The following GMDS variants were observed in gnomAD, a reference collection of about 807,000 sequenced individuals.
GMDS encodes the protein GDP-mannose 4,6-dehydratase, also known as GDP-mannose 4,6 dehydratase.
Under a neutral mutation model 49.9 loss-of-function variants are expected in GMDS, and 20 were observed. The observed-to-expected ratio is 0.40, with a 90% CI of 0.28 to 0.58. GMDS has a LOEUF of 0.58. Among genes scored for constraint, GMDS ranks in the 20% least tolerant of loss-of-function variants. GMDS has a pLI of 0.42. For synonymous variants in GMDS, 177 were observed against 178.6 expected, an observed-to-expected ratio of 0.99 and a Z score of 0.07; for missense variants, 362 against 481.4, an observed-to-expected ratio of 0.75 and a Z score of 2.32.
At chr6:1,674,560 C>CTTTTTTTTTTTTTT (rs869292549) in intron 9 of GMDS, among the ~76,000 whole-genome samples, 2 of 73,438 alleles carry the variant, frequency 2.7e-5, no homozygotes, top group Non-Finnish European at 4.6e-5. Context: ...CTCTCTCTCT[C>CTTTTTTTTTTTTTT]TTTTTTTTTT....
intron 4 of GMDS, among the ~76,000 whole-genome samples, chr6:2,007,485 G>A (rs1392766564): frequency 1.3e-5 from 2 of 151,868 alleles, no homozygotes; most frequent in Admixed American, 1.3e-4. Context: ...ATCTGTCCAG[G>A]CTTTTATAAC....
At chr6:1,936,775 T>C (rs952614459) in intron 6 of GMDS, among the ~76,000 whole-genome samples, 1 of 152,108 alleles carries the variant, frequency 6.6e-6, no homozygotes, top group Non-Finnish European at 1.5e-5. Context: ...GAGACCAGCC[T>C]GGCCAACGTG....
intron 7 of GMDS, among the ~76,000 whole-genome samples, chr6:1,828,982 G>A (rs183301120): frequency 6.6e-5 from 10 of 152,312 alleles, no homozygotes; most frequent in Admixed American, 6.5e-4. Context: ...TTTTGTATAT[G>A]TGTACCATAT....
chr6:2,150,744 TGA>T (rs1776803099), intron 1 of GMDS, among the ~76,000 whole-genome samples: 1 of 152,206 alleles, frequency 6.6e-6, no homozygotes, highest in African/African-American at 2.4e-5. Context: ...GGCCATAAAC[TGA>T]GTTCTAATTA....
chr6:1,918,102 T>A (rs1761495475), intron 7 of GMDS, among the ~76,000 whole-genome samples: 1 of 152,112 alleles, frequency 6.6e-6, no homozygotes, highest in Non-Finnish European at 1.5e-5. Context: ...TGCTTCTAAT[T>A]TGCATGTGTT....
chr6:1,739,859 A>G (rs1264331975), intron 8 of GMDS, among the ~76,000 whole-genome samples: 1 of 152,200 alleles, frequency 6.6e-6, no homozygotes, highest in Non-Finnish European at 1.5e-5. Context: ...TTCCTGAAAA[A>G]CAGAAGAACT....
chr6:1,842,524 C>T (rs1368869881), intron 7 of GMDS, among the ~76,000 whole-genome samples: 4 of 152,204 alleles, frequency 2.6e-5, no homozygotes, highest in Non-Finnish European at 4.4e-5. Context: ...TGGCAGCCGA[C>T]TTACAGCCAC....
At chr6:1,914,542 T>A (rs1236327878) in intron 7 of GMDS, among the ~76,000 whole-genome samples, 1 of 152,156 alleles carries the variant, frequency 6.6e-6, no homozygotes, top group Non-Finnish European at 1.5e-5. Context: ...GACTCTGGCT[T>A]CTTGCACATC....
At chr6:1,777,532 T>G (rs1768886950) in intron 7 of GMDS, among the ~76,000 whole-genome samples, 1 of 152,242 alleles carries the variant, frequency 6.6e-6, no homozygotes, top group African/African-American at 2.4e-5. Context: ...AGACTCCATT[T>G]CAACAGTGTG....
At chr6:1,660,378 T>A (rs1323018518) in intron 9 of GMDS, among the ~76,000 whole-genome samples, 1 of 152,070 alleles carries the variant, frequency 6.6e-6, no homozygotes, top group Non-Finnish European at 1.5e-5. Flanking sequence ...TTTAGTGTCT[T>A]TAGGTTGACA....
At chr6:2,071,904 C>G (rs897077409) in intron 4 of GMDS, among the ~76,000 whole-genome samples, 1 of 152,146 alleles carries the variant, frequency 6.6e-6, no homozygotes. Flanking sequence ...CTATACCTCA[C>G]TTTCTTTATG....
chr6:1,667,817 G>GA (rs148265998), intron 9 of GMDS, among the ~76,000 whole-genome samples: 28,558 of 149,348 alleles, frequency 0.19, 3,112 homozygotes, highest in East Asian at 0.51. Flanking sequence ...TTTTTTAAAT[G>GA]AAAAAAAATG....
chr6:2,227,129 T>G (rs938992634), intron 1 of GMDS, among the ~76,000 whole-genome samples: 2 of 152,154 alleles, frequency 1.3e-5, no homozygotes, highest in Non-Finnish European at 2.9e-5. Flanking sequence ...AATTTTTCAA[T>G]AGTGAACATT....
intron 1 of GMDS, among the ~76,000 whole-genome samples, chr6:2,185,467 A>G (rs1286538997): frequency 6.6e-6 from 1 of 152,202 alleles, no homozygotes; most frequent in African/African-American, 2.4e-5. Flanking sequence ...GTACACATTG[A>G]GATACCAACT....
intron 1 of GMDS, among the ~76,000 whole-genome samples, chr6:2,237,320 A>C (rs759047863): frequency 9.9e-5 from 15 of 152,218 alleles, no homozygotes; most frequent in Non-Finnish European, 1.5e-4. Flanking sequence ...CACTGCCAAG[A>C]ACATTACTGA....
chr6:1,796,174 G>T (rs1302089816), intron 7 of GMDS, among the ~76,000 whole-genome samples: 1 of 152,188 alleles, frequency 6.6e-6, no homozygotes, highest in Admixed American at 6.5e-5. Flanking sequence ...ATCCTGGAAT[G>T]CTGGCTCTGG....
chr6:1,724,616 T>C (rs915180495), intron 9 of GMDS, among the ~76,000 whole-genome samples: 2 of 152,242 alleles, frequency 1.3e-5, no homozygotes, highest in African/African-American at 4.8e-5. Flanking sequence ...ATGACCATTT[T>C]TGATTGTAGA....
At chr6:1,753,825 T>C (rs1654855921) in intron 7 of GMDS, among the ~76,000 whole-genome samples, 1 of 152,148 alleles carries the variant, frequency 6.6e-6, no homozygotes. Context: ...AATAAGTTAT[T>C]TGAAACCAAC....
At chr6:2,168,401 G>A (rs932055600) in intron 1 of GMDS, among the ~76,000 whole-genome samples, 3 of 152,172 alleles carry the variant, frequency 2.0e-5, no homozygotes, top group Admixed American at 2.0e-4. Flanking sequence ...CAAAGCAAAA[G>A]GTCACTTCCC....
Sources: allele counts gnomAD v4.1 joint callset (sites outside exome capture counted in the v4.1 genomes callset), GRCh38; gene constraint gnomAD v4.1.1; transcripts MANE v1.5; gene names NCBI Gene and HGNC (gene_info 2026-07-23, HGNC 2026-07-21).